DNM3: variants seen among roughly 807,000 people sequenced by gnomAD.
The protein encoded by DNM3 is dynamin-3.
DNM3 carries 47 observed loss-of-function variants against 101.6 expected under a neutral mutation model. That is an observed-to-expected ratio of 0.46 (90% confidence interval 0.37 to 0.59). DNM3 has a LOEUF of 0.59. DNM3 is among the 20% of genes least tolerant of loss of function. The probability of loss-of-function intolerance (pLI) is 0.00; values close to 1 mark genes in which losing one functional copy is unlikely to be tolerated. For missense variants in DNM3, 849 were observed against 1,085.7 expected (o/e 0.78, Z 3.06); for synonymous variants, 385 against 387.9 (o/e 0.99, Z 0.09).
intron 17 of DNM3, among the ~76,000 whole-genome samples, chr1:172,365,654 T>C (rs1320674393): frequency 1.3e-5 from 2 of 151,886 alleles, no homozygotes; most frequent in African/African-American, 4.8e-5. Context: ...AAATTTCTTA[T>C]CCCCAGAAAG....
chr1:171,889,204 C>T (rs2037044637), intron 1 of DNM3, among the ~76,000 whole-genome samples: 1 of 152,048 alleles, frequency 6.6e-6, no homozygotes, highest in African/African-American at 2.4e-5. Flanking sequence ...GTCTGCAACT[C>T]CTAGGCTCAA....
At chr1:171,863,570 T>C (rs1159397104) in intron 1 of DNM3, among the ~76,000 whole-genome samples, 3 of 152,204 alleles carry the variant, frequency 2.0e-5, no homozygotes, top group Admixed American at 2.0e-4. Context: ...ATCAAACCAC[T>C]CTACTGCTAA....
At position 171,898,626 on chromosome 1, in the gene DNM3, G is replaced by A. The variant is rs538471791; in HGVS notation, c.162-23122G>A. Among the ~76,000 whole-genome samples, 176 of 151,382 alleles carry A rather than the reference G, an allele frequency of 1.2e-3. 2 individuals are homozygous for A. The highest frequency in any genetic ancestry group is 2.7e-3 in the Admixed American group (41 of 15,202). Reference sequence around the variant, plus strand: ...TGGAAATTAGCCACTTTTAACATTCGGTACAGATTTATCTTATGCTATATT... The same window carrying A: ...TGGAAATTAGCCACTTTTAACATTCAGTACAGATTTATCTTATGCTATATT... On this transcript the variant is annotated intron_variant, in intron 1 of 20. Coordinates refer to ENST00000627582, the MANE Select transcript of DNM3 (RefSeq NM_015569.5).
intron 12 of DNM3, among the ~76,000 whole-genome samples, chr1:172,087,115 C>T (rs1572448820): frequency 1.3e-5 from 2 of 152,118 alleles, no homozygotes; most frequent in East Asian, 3.9e-4. Context: ...ACAGTTAATC[C>T]AATGGACAAT....
intron 2 of DNM3, among the ~76,000 whole-genome samples, chr1:171,977,363 G>A (rs2044453366): frequency 6.6e-6 from 1 of 152,144 alleles, no homozygotes; most frequent in African/African-American, 2.4e-5. Context: ...AAAACCACAA[G>A]TGAGAATGGG....
chr1:171,872,849 A>G (rs1241021147), intron 1 of DNM3, among the ~76,000 whole-genome samples: 1 of 152,154 alleles, frequency 6.6e-6, no homozygotes, highest in African/African-American at 2.4e-5. Flanking sequence ...AGTCAGTTGA[A>G]GAGCAAGATA....
intron 17 of DNM3, among the ~76,000 whole-genome samples, chr1:172,356,183 G>A (rs1187964144): frequency 6.6e-6 from 1 of 151,872 alleles, no homozygotes; most frequent in Non-Finnish European, 1.5e-5. Flanking sequence ...GGAACGAAAC[G>A]AAAAAATGTA....
At chr1:172,029,320 C>T (rs372107377) in intron 4 of DNM3, among the ~76,000 whole-genome samples, 1 of 138,106 alleles carries the variant, frequency 7.2e-6, no homozygotes. Context: ...ACATGATTAT[C>T]CCAATAGATG....
intron 12 of DNM3, among the ~76,000 whole-genome samples, chr1:172,089,328 G>C (rs2053752819): frequency 6.6e-6 from 1 of 152,050 alleles, no homozygotes; most frequent in Admixed American, 6.5e-5. Context: ...TTTGATTTAT[G>C]TTAAACTAAA....
chr1:172,235,408 A>G (rs993646350), intron 14 of DNM3, among the ~76,000 whole-genome samples: 14 of 152,200 alleles, frequency 9.2e-5, no homozygotes, highest in Non-Finnish European at 2.1e-4. Context: ...GGGACTGTAC[A>G]CTAGTTCAAC....
chr1:172,009,131 ATTT>A lies in DNM3; in HGVS notation c.589+19984_589+19986del, dbSNP rs1428550556. 1.4e-4 allele frequency among the ~76,000 whole-genome samples: 19 copies of A among 137,612 alleles called. 1 individual carries two copies. The Admixed American group carries it at 1.4e-3, about 10-fold the overall frequency. 90.3% of individuals were successfully genotyped at this position (137,612 alleles called of 152,430 possible). A position where few individuals can be genotyped will look rare whatever the true frequency, so the allele number is the denominator to read the frequency against. ...ATATTATATATCATATAATATATAT[ATTT>A]ATATTATATATATTATATGATATAT... On this transcript the variant is annotated intron_variant, in intron 4 of 20. Transcript: ENST00000627582.
At chr1:172,367,710 A>G (rs2068095814) in intron 17 of DNM3, among the ~76,000 whole-genome samples, 1 of 151,944 alleles carries the variant, frequency 6.6e-6, no homozygotes, top group African/African-American at 2.4e-5. Context: ...CACTTTACCT[A>G]TGAAGATACT....
At chr1:172,113,767 C>T (rs1322916002) in intron 13 of DNM3, among the ~76,000 whole-genome samples, 1 of 152,088 alleles carries the variant, frequency 6.6e-6, no homozygotes, top group Non-Finnish European at 1.5e-5. Flanking sequence ...CATCGTGTGG[C>T]ATCAGCTGTG....
chr1:172,218,008 T>C (rs183216400), intron 14 of DNM3, among the ~76,000 whole-genome samples: 2 of 152,310 alleles, frequency 1.3e-5, no homozygotes, highest in South Asian at 2.1e-4. Flanking sequence ...GTAGTATATT[T>C]ATTCCTGCTA....
At chr1:172,302,866 C>T (rs919103334) in intron 15 of DNM3, among the ~76,000 whole-genome samples, 1 of 152,144 alleles carries the variant, frequency 6.6e-6, no homozygotes, top group Admixed American at 6.5e-5. Context: ...ACCAAAACCC[C>T]ATCTGTAGGT....
chr1:172,278,703 T>C (rs2063379916), intron 15 of DNM3, among the ~76,000 whole-genome samples: 1 of 152,172 alleles, frequency 6.6e-6, no homozygotes, highest in Non-Finnish European at 1.5e-5. Flanking sequence ...ATGTGACTTG[T>C]TGCATAAGTA....
At chr1:172,338,974 A>G (rs1393934684) in intron 17 of DNM3, 1 of 425,000 alleles carries the variant, frequency 2.4e-6, no homozygotes, top group Non-Finnish European at 4.6e-6. Flanking sequence ...TCTACTAAAT[A>G]ATATTAACTT....
intron 2 of DNM3, among the ~76,000 whole-genome samples, chr1:171,975,673 T>C (rs1469312992): frequency 6.6e-6 from 1 of 152,240 alleles, no homozygotes; most frequent in Non-Finnish European, 1.5e-5. Context: ...GATGTTACAA[T>C]GTTGCAGATA....
rs1025317534 is a variant in DNM3, at chr1:172,032,586, A to G, written c.688+86A>G. On this transcript the variant is annotated intron_variant, in intron 5 of 20. Coordinates refer to ENST00000627582, the MANE Select transcript of DNM3 (RefSeq NM_015569.5). ...ATGGAAGAGAAATGATTGGGAAGCC[A>G]CTAGGAGGTTTGGTTTTAATGCCTT... 62 of 830,750 alleles carry G rather than the reference A, an allele frequency of 7.5e-5. No individual in the cohort carries two copies. The African/African-American group carries it at 1.0e-3, about 14-fold the overall frequency. 51.5% of individuals were successfully genotyped at this position (830,750 alleles called of 1,614,324 possible). A position where few individuals can be genotyped will look rare whatever the true frequency, so the allele number is the denominator to read the frequency against.
Sources: gnomAD v4.1 joint callset for allele counts (sites outside exome capture counted in the v4.1 genomes callset) on GRCh38, gnomAD v4.1.1 for gene constraint, MANE v1.5 for transcripts, NCBI Gene and HGNC (gene_info 2026-07-23, HGNC 2026-07-21) for gene names.